Variants in RARB observed in about 807,000 individuals in gnomAD.
RARB encodes the protein HBV-activated protein.
A neutral mutation model predicts 51.9 loss-of-function variants in RARB; 17 were observed. The ratio of observed to expected loss-of-function variants is 0.33; its 90% CI spans 0.22 to 0.49. The LOEUF is 0.49. RARB is among the 20% of genes least tolerant of loss of function. The pLI, the probability that RARB is intolerant of heterozygous loss-of-function variation, is 0.99. For synonymous variants in RARB, 215 were observed against 195.4 expected (o/e 1.10, Z -0.84); for missense variants, 369 against 550.8 (o/e 0.67, Z 3.30).
intron 2 of RARB, among the ~76,000 whole-genome samples, chr3:24,874,763 A>T (rs1254403546): frequency 1.3e-5 from 2 of 151,656 alleles, no homozygotes; most frequent in African/African-American, 2.4e-5. Context: ...TAGTTCATTT[A>T]TGTTGATGGC....
At chr3:25,454,800 T>A (rs1694824887) in intron 1 of RARB, among the ~76,000 whole-genome samples, 1 of 152,246 alleles carries the variant, frequency 6.6e-6, no homozygotes, top group African/African-American at 2.4e-5. Flanking sequence ...TCGAAGACTT[T>A]CTGTGTGTTT....
intron 2 of RARB, among the ~76,000 whole-genome samples, chr3:25,019,703 C>T (rs62228501): frequency 7.2e-5 from 11 of 152,036 alleles, no homozygotes; most frequent in East Asian, 5.8e-4. Flanking sequence ...TGCTGCAGGG[C>T]GAGGGTGGAG....
chr3:24,873,922 A>G (rs1702994389), intron 2 of RARB, among the ~76,000 whole-genome samples: 1 of 152,120 alleles, frequency 6.6e-6, no homozygotes, highest in Admixed American at 6.5e-5. Flanking sequence ...CCATGGATTC[A>G]GCCAACCACA....
At chr3:24,900,570 A>G (rs1323203192) in intron 2 of RARB, among the ~76,000 whole-genome samples, 1 of 152,224 alleles carries the variant, frequency 6.6e-6, no homozygotes, top group African/African-American at 2.4e-5. Context: ...GAAACTGTTA[A>G]TGCATCATGT....
chr3:25,489,351 G>A (rs1381820694), intron 2 of RARB, among the ~76,000 whole-genome samples: 1 of 152,142 alleles, frequency 6.6e-6, no homozygotes, highest in African/African-American at 2.4e-5. Flanking sequence ...ATTGCTGCCT[G>A]AATTTATGAT....
At chr3:25,220,884 G>C (rs1276936702) in intron 5 of RARB, among the ~76,000 whole-genome samples, 1 of 152,116 alleles carries the variant, frequency 6.6e-6, no homozygotes, top group African/African-American at 2.4e-5. Flanking sequence ...GTCTTTCATG[G>C]TCTTGGCTAT....
intron 2 of RARB, among the ~76,000 whole-genome samples, chr3:25,012,425 A>C (rs79896123): frequency 0.02 from 3,091 of 152,168 alleles, 94 homozygotes; most frequent in African/African-American, 0.07. Flanking sequence ...TATTTCTAAC[A>C]AGCTCCATGT....
chr3:25,270,388 A>T (rs2125411071), intron 5 of RARB, among the ~76,000 whole-genome samples: 1 of 152,326 alleles, frequency 6.6e-6, no homozygotes, highest in East Asian at 1.9e-4. Flanking sequence ...AAAAAGACAA[A>T]TAGTATGTAA....
At chr3:25,162,310 T>C (rs925583674) in intron 4 of RARB, among the ~76,000 whole-genome samples, 1 of 152,188 alleles carries the variant, frequency 6.6e-6, no homozygotes, top group Non-Finnish European at 1.5e-5. Context: ...AGTCTTGCTA[T>C]GTTGCCCAAG....
chr3:25,197,247 G>C (rs1307395510), intron 5 of RARB, among the ~76,000 whole-genome samples: 1 of 152,098 alleles, frequency 6.6e-6, no homozygotes, highest in Non-Finnish European at 1.5e-5. Context: ...TGTGTATAAG[G>C]TGTAAGGAAG....
In RARB at chr3:25,596,632, C is replaced by T; in HGVS notation, c.*16C>T. ...CGTGCAATAAGACATTTTCTAGCTACTTCAAACATTCCCCAGTACCTTCAG... is the reference window on the plus strand; with the variant it reads ...CGTGCAATAAGACATTTTCTAGCTATTTCAAACATTCCCCAGTACCTTCAG... On this transcript the variant is annotated 3_prime_UTR_variant, in exon 8 of 8. Transcript: ENST00000330688. 1 of 1,559,916 alleles carries T rather than the reference C, an allele frequency of 6.4e-7. No homozygotes were observed. Among genetic ancestry groups the T allele is most frequent in the Non-Finnish European group, 8.8e-7 (1 of 1,135,610 alleles).
At position 25,569,746 on chromosome 3, in the gene RARB, T is replaced by A; in HGVS notation, c.449-12T>A. The A allele has an allele frequency of 6.2e-7, 1 of 1,611,450 alleles. No homozygotes were observed. Among genetic ancestry groups the A allele is most frequent in the Non-Finnish European group, 8.5e-7 (1 of 1,178,758 alleles). ...TCAGCGACCCCTGATGTGCCTTCTC[T>A]CTCGTTTCCAGCTGTCAGGAATGAC... On this transcript the variant is annotated splice_polypyrimidine_tract_variant and intron_variant, in intron 3 of 7. Coordinates refer to ENST00000330688, the MANE Select transcript of RARB (RefSeq NM_000965.5).
intron 3 of RARB, among the ~76,000 whole-genome samples, chr3:25,565,532 C>T (rs1461931957): frequency 6.6e-6 from 1 of 152,098 alleles, no homozygotes; most frequent in Non-Finnish European, 1.5e-5. Flanking sequence ...CAACAACCAT[C>T]CTGTTTTGCG....
intron 3 of RARB, among the ~76,000 whole-genome samples, chr3:25,129,238 T>C (rs1293016466): frequency 1.3e-5 from 2 of 152,124 alleles, no homozygotes; most frequent in Non-Finnish European, 1.5e-5. Context: ...ACTCTATCAA[T>C]TTTTTGTTTG....
chr3:25,219,649 G>A (rs1237724448), intron 5 of RARB, among the ~76,000 whole-genome samples: 5 of 152,140 alleles, frequency 3.3e-5, no homozygotes, highest in South Asian at 2.1e-4. Context: ...CCCAAACCCC[G>A]TCTTATCAGC....
chr3:25,419,542 C>G (rs1404352553), intron 5 of RARB, among the ~76,000 whole-genome samples: 1 of 151,836 alleles, frequency 6.6e-6, no homozygotes, highest in East Asian at 1.9e-4. Flanking sequence ...TAAAGGTTCT[C>G]TGGTGCCTTT....
At chr3:25,081,750 A>C (rs1048400737) in intron 3 of RARB, among the ~76,000 whole-genome samples, 1 of 143,446 alleles carries the variant, frequency 7.0e-6, no homozygotes, top group East Asian at 2.2e-4. Flanking sequence ...CTCCTGCCTC[A>C]GCCTCCTGAG....
intron 5 of RARB, among the ~76,000 whole-genome samples, chr3:25,249,005 A>G (rs551317348): frequency 3.3e-5 from 5 of 152,184 alleles, no homozygotes; most frequent in African/African-American, 9.6e-5. Flanking sequence ...GTTTTCAGCT[A>G]TTATTTTGTT....
At chr3:25,263,777 C>T (rs889478489) in intron 5 of RARB, among the ~76,000 whole-genome samples, 7 of 152,114 alleles carry the variant, frequency 4.6e-5, no homozygotes, top group South Asian at 2.1e-4. Flanking sequence ...GATGGAGGGA[C>T]GAAGCACATT....
Sources: gnomAD v4.1 joint callset for allele counts (sites outside exome capture counted in the v4.1 genomes callset) on GRCh38, gnomAD v4.1.1 for gene constraint, MANE v1.5 for transcripts, NCBI Gene and HGNC (gene_info 2026-07-23, HGNC 2026-07-21) for gene names.